PCDHGB6: variants seen among roughly 807,000 people sequenced by gnomAD.
PCDHGB6 encodes the protein protocadherin gamma subfamily B, 6.
Under a neutral mutation model 59.1 loss-of-function variants are expected in PCDHGB6, and 51 were observed. That is an observed-to-expected ratio of 0.86 (90% CI 0.69 to 1.09). The LOEUF (loss-of-function observed/expected upper bound fraction) is 1.09. PCDHGB6 is among the 50% of genes least tolerant of loss of function. The probability of loss-of-function intolerance (pLI) is 0.00; values close to 1 mark genes in which losing one functional copy is unlikely to be tolerated. For missense variants in PCDHGB6, 1,148 were observed against 1,205.1 expected, an observed-to-expected ratio of 0.95 and a Z score of 0.70; for synonymous variants, 466 against 495.1, an observed-to-expected ratio of 0.94 and a Z score of 0.78.
At position 141,413,788 on chromosome 5, in the gene PCDHGB6, G is replaced by A. The variant is rs2095678300; in HGVS notation, c.2418+3168G>A. The A allele has an allele frequency of 2.1e-5, 34 of 1,613,166 alleles. No individual in the cohort carries two copies. Among genetic ancestry groups the A allele is most frequent in the Non-Finnish European group, 2.8e-5 (33 of 1,179,876 alleles). ...GGAGCTGGTACTGGAGCACTCCCTA[G>A]ATCGCGAGGAAGAGGCCATTCACCA... is the stretch of plus-strand genomic sequence containing the variant. On this transcript the variant is annotated intron_variant, in intron 1 of 3. Coordinates refer to ENST00000520790, the MANE Select transcript of PCDHGB6 (RefSeq NM_018926.3).
At position 141,413,764 on chromosome 5, in the gene PCDHGB6, G is replaced by A. The variant is rs749419039; in HGVS notation, c.2418+3144G>A. 28 of 1,612,716 alleles carry A rather than the reference G, an allele frequency of 1.7e-5. No individual in the cohort carries two copies. Among genetic ancestry groups the A allele is most frequent in the Non-Finnish European group, 2.2e-5 (26 of 1,179,878 alleles). On this transcript the variant is annotated intron_variant, in intron 1 of 3. Coordinates refer to ENST00000520790, the MANE Select transcript of PCDHGB6 (RefSeq NM_018926.3). ...CCGTGCCAATGGCGTCAAGTACCCG[G>A]AGCTGGTACTGGAGCACTCCCTAGA... is the stretch of plus-strand genomic sequence containing the variant.
chr5:141,503,654 G>C (rs1248501987), intron 2 of PCDHGB6, among the ~76,000 whole-genome samples: 1 of 150,388 alleles, frequency 6.6e-6, no homozygotes, highest in Non-Finnish European at 1.5e-5. Flanking sequence ...AATGGAAACA[G>C]AATTACAACT....
chr5:141,467,233 A>G (rs1009794220), intron 1 of PCDHGB6, among the ~76,000 whole-genome samples: 1 of 151,564 alleles, frequency 6.6e-6, no homozygotes, highest in South Asian at 2.1e-4. Flanking sequence ...TTGTATTTTT[A>G]GTAGAGATGG....
intron 1 of PCDHGB6, chr5:141,423,313 G>T (rs1407028245): frequency 1.2e-6 from 2 of 1,614,184 alleles, no homozygotes; most frequent in Non-Finnish European, 1.7e-6. Context: ...GTACTTGGTG[G>T]TGGCGGTGGC....
At chr5:141,488,146 A>G (rs1458115635) in intron 1 of PCDHGB6, among the ~76,000 whole-genome samples, 2 of 152,164 alleles carry the variant, frequency 1.3e-5, no homozygotes, top group South Asian at 4.1e-4. Context: ...AACTAAAGGA[A>G]TAGAGAGGCA....
Position 141,486,278 on chromosome 5 carries a change from G to C in PCDHGB6, c.2419-8529G>C, listed in dbSNP as rs774763063. On this transcript the variant is annotated intron_variant, in intron 1 of 3. Coordinates refer to ENST00000520790, the MANE Select transcript of PCDHGB6 (RefSeq NM_018926.3). The surrounding 1 kb of genome is among the most constrained non-coding windows in gnomAD (Gnocchi z 5.0). ...CGAGAGTGCAGAACCTGGCACTGTG[G>C]TGGCACTTATCAGTGTGCAGGATCC... is the stretch of plus-strand genomic sequence containing the variant. 4 of 1,613,970 alleles carry C rather than the reference G, an allele frequency of 2.5e-6. No individual in the cohort carries two copies. In the South Asian group the frequency reaches 4.4e-5, roughly 18 times the overall value.
rs778052844 is a variant in PCDHGB6, at chr5:141,486,259, T to C, written c.2419-8548T>C. ...CAGAGCTTGGAACCCTCCCCGAGAG[T>C]GCAGAACCTGGCACTGTGGTGGCAC... is the stretch of plus-strand genomic sequence containing the variant. On this transcript the variant is annotated intron_variant, in intron 1 of 3. Coordinates refer to ENST00000520790, the MANE Select transcript of PCDHGB6 (RefSeq NM_018926.3). This position sits in a 1 kb window ranked among gnomAD's most constrained non-coding sequence, Gnocchi z 5.0. 1 of 1,613,204 alleles carries C rather than the reference T, an allele frequency of 6.2e-7. No individual in the cohort carries two copies. The highest frequency in any genetic ancestry group is 8.5e-7 in the Non-Finnish European group (1 of 1,179,716).
chr5:141,456,783 C>G (rs1400541298), intron 1 of PCDHGB6, among the ~76,000 whole-genome samples: 3 of 151,802 alleles, frequency 2.0e-5, no homozygotes, highest in African/African-American at 4.8e-5. Flanking sequence ...GCCTACATGG[C>G]AAAACCCCAT....
At chr5:141,452,354 G>C (rs2154563893) in intron 1 of PCDHGB6, among the ~76,000 whole-genome samples, 1 of 152,240 alleles carries the variant, frequency 6.6e-6, no homozygotes, top group Non-Finnish European at 1.5e-5. Flanking sequence ...TTATCCAAAA[G>C]CCTTGCTTCA....
intron 1 of PCDHGB6, among the ~76,000 whole-genome samples, chr5:141,459,035 A>T (rs1404092581): frequency 6.6e-6 from 1 of 152,218 alleles, no homozygotes; most frequent in Non-Finnish European, 1.5e-5. Context: ...ATCCAGCCTT[A>T]CCAGCTATAT....
chr5:141,410,053 C>T lies in PCDHGB6; in HGVS notation c.1851C>T (p.Phe617=). 1 of 1,613,160 alleles carries T rather than the reference C, an allele frequency of 6.2e-7. No individual in the cohort carries two copies. The highest frequency in any genetic ancestry group is 1.3e-5 in the African/African-American group (1 of 75,062). ...TGCAGGCCAGTGAGCCCGGACTCTT[C>T]AGCCTGGGGCTGCGCACTGGGGAGG... ...HVLQASEPGL[F]SLGLRTGEVR... is the part of the protein sequence containing the mutation. Residue 617 remains phenylalanine, a synonymous_variant, in exon 1 of 4, where the codon TTC becomes TTT. Transcript: ENST00000520790.
In PCDHGB6 at chr5:141,482,773, C is replaced by A. The variant is rs2009076; in HGVS notation, c.2419-12034C>A. ...ATTATGGTATTTCATTATCACTGAA[C>A]CTTAAACTGTGTGTGTGGCCGGGTA... On this transcript the variant is annotated intron_variant, in intron 1 of 3. Coordinates refer to ENST00000520790, the MANE Select transcript of PCDHGB6 (RefSeq NM_018926.3). 9.1e-3 allele frequency among the ~76,000 whole-genome samples: 1,158 copies of A among 127,768 alleles called. 29 individuals carry two copies. Among genetic ancestry groups the A allele is most frequent in the Middle Eastern group, 0.013 (3 of 228 alleles). 83.8% of individuals were successfully genotyped at this position (127,768 alleles called of 152,430 possible). A position where few individuals can be genotyped will look rare whatever the true frequency, so the allele number is the denominator to read the frequency against.
At chr5:141,413,570 A>C in intron 1 of PCDHGB6, 1 of 1,613,930 alleles carries the variant, frequency 6.2e-7, no homozygotes. Context: ...GATATCAATG[A>C]CAATGCTCCA....
At chr5:141,480,295 G>A (rs1190133739) in intron 1 of PCDHGB6, among the ~76,000 whole-genome samples, 2 of 133,330 alleles carry the variant, frequency 1.5e-5, no homozygotes, top group Admixed American at 7.4e-5. Context: ...TGCACCTGTG[G>A]TACCAGCTAC....
chr5:141,468,505 C>A (rs1293623271), intron 1 of PCDHGB6: 1 of 152,020 alleles, frequency 6.6e-6, no homozygotes, highest in East Asian at 1.9e-4. Context: ...TTCATGTGGA[C>A]AAATTTAGTA....
intron 1 of PCDHGB6, among the ~76,000 whole-genome samples, chr5:141,436,531 G>T (rs1365651055): frequency 6.6e-6 from 1 of 152,152 alleles, no homozygotes; most frequent in African/African-American, 2.4e-5. Context: ...CCTTTAGCAA[G>T]TTATTTAATC....
chr5:141,487,176 A>T lies in PCDHGB6; in HGVS notation c.2419-7631A>T. ...ACTCTCTTAGTGTCCTTAGAGGAAG[A>T]CACTCATCCAGTTGTCCCAGATCTT... On this transcript the variant is annotated intron_variant, in intron 1 of 3. Transcript: ENST00000520790. This position sits in a 1 kb window ranked among gnomAD's most constrained non-coding sequence, Gnocchi z 5.0. 1 of 1,613,774 alleles carries T rather than the reference A, an allele frequency of 6.2e-7. No individual in the cohort carries two copies. Among genetic ancestry groups the T allele is most frequent in the South Asian group, 1.1e-5 (1 of 91,082 alleles).
intron 1 of PCDHGB6, among the ~76,000 whole-genome samples, chr5:141,445,937 A>C (rs2098482193): frequency 6.6e-6 from 1 of 152,202 alleles, no homozygotes; most frequent in African/African-American, 2.4e-5. Flanking sequence ...TGAATTATTA[A>C]GCTTACTCTG....
In PCDHGB6 at chr5:141,477,116, G is replaced by A. The variant is rs771557201; in HGVS notation, c.2419-17691G>A. ...AGACAAGGGCGCCAATCCCGAAGGA[G>A]CACATTGCAAAGTGTTGGTGGAGGT... On this transcript the variant is annotated intron_variant, in intron 1 of 3. Transcript: ENST00000520790. This position sits in a 1 kb window ranked among gnomAD's most constrained non-coding sequence, Gnocchi z 4.9. 1 of 1,614,252 alleles carries A rather than the reference G, an allele frequency of 6.2e-7. No homozygotes were observed. The highest frequency in any genetic ancestry group is 8.5e-7 in the Non-Finnish European group (1 of 1,180,052).
Sources: gnomAD v4.1 joint callset for allele counts (sites outside exome capture counted in the v4.1 genomes callset) on GRCh38, gnomAD v4.1.1 for gene constraint, Gnocchi (gnomAD v3.1) non-coding constraint, MANE v1.5 for transcripts, NCBI Gene and HGNC (gene_info 2026-07-23, HGNC 2026-07-21) for gene names.